AAGAB: variants seen among roughly 807,000 people sequenced by gnomAD.
AAGAB encodes the protein alpha- and gamma-adaptin-binding protein p34.
Under a neutral mutation model 44.1 loss-of-function variants are expected in AAGAB, and 38 were observed. The ratio of observed to expected loss-of-function variants is 0.86; its 90% CI spans 0.67 to 1.13. The LOEUF (loss-of-function observed/expected upper bound fraction) is 1.13, where lower values mean the gene tolerates loss of function less well. AAGAB is among the 50% of genes most tolerant of loss of function. The probability of loss-of-function intolerance (pLI) is 0.00; values close to 1 mark genes in which losing one functional copy is unlikely to be tolerated. For missense variants in AAGAB, 450 were observed against 373.8 expected, an observed-to-expected ratio of 1.20 and a Z score of -1.68; for synonymous variants, 131 against 131.8, an observed-to-expected ratio of 0.99 and a Z score of 0.04.
At chr15:67,254,192 TAAC>T (rs1363423313) in intron 1 of AAGAB, 5 of 223,186 alleles carry the variant, frequency 2.2e-5, no homozygotes, top group Non-Finnish European at 4.4e-5. Flanking sequence ...GCAGCAAGGA[TAAC>T]AACATCACGA....
At chr15:67,247,706 C>T (rs1282237048) in intron 1 of AAGAB, among the ~76,000 whole-genome samples, 2 of 152,118 alleles carry the variant, frequency 1.3e-5, no homozygotes, top group African/African-American at 2.4e-5. Flanking sequence ...AAACTTCGCA[C>T]GAAAAGTCAA....
At chr15:67,204,225 C>A in intron 7 of AAGAB, 77 bp from the exon 8 acceptor site, 2 of 1,018,238 alleles carry the variant, frequency 2.0e-6, no homozygotes, top group Admixed American at 2.1e-5. Flanking sequence ...AAGGCAAATG[C>A]TAACCTTGAT....
chr15:67,252,456 A>T (rs1009699400), intron 1 of AAGAB, among the ~76,000 whole-genome samples: 9 of 152,198 alleles, frequency 5.9e-5, no homozygotes, highest in African/African-American at 2.2e-4. Flanking sequence ...AAAAATTTTT[A>T]AAAACAGAAA....
chr15:67,222,359 T>A (rs1964103874), intron 5 of AAGAB, among the ~76,000 whole-genome samples: 1 of 151,158 alleles, frequency 6.6e-6, no homozygotes, highest in African/African-American at 2.4e-5. Flanking sequence ...GCCTGGCAAA[T>A]CATACTTCAC....
rs1555417910 is a variant in AAGAB, at chr15:67,222,282, A to AC, written c.535+9531dup. Among the ~76,000 whole-genome samples the AC allele has an allele frequency of 1.4e-4, 19 of 139,928 alleles. No individual in the cohort carries two copies. The East Asian group carries it at 2.5e-3, about 19-fold the overall frequency. 91.8% of individuals were successfully genotyped at this position (139,928 alleles called of 152,430 possible). On this transcript the variant is annotated intron_variant, in intron 5 of 9. Transcript: ENST00000261880. Reference sequence around the variant, plus strand: ...CACACACACACACACACACACACACACCCTCCACCCATGCTGCCTGACTTT... The same window carrying AC: ...CACACACACACACACACACACACACACCCCTCCACCCATGCTGCCTGACTTT...
intron 5 of AAGAB, 129 bp downstream of exon 5, chr15:67,231,685 A>T (rs1244697613): frequency 1.4e-6 from 1 of 722,822 alleles, no homozygotes; most frequent in African/African-American, 1.8e-5. Context: ...CGCTTCCTTC[A>T]ATCAGCGAAC....
At chr15:67,224,490 ACT>A (rs921284410) in intron 5 of AAGAB, among the ~76,000 whole-genome samples, 1 of 152,148 alleles carries the variant, frequency 6.6e-6, no homozygotes, top group African/African-American at 2.4e-5. Flanking sequence ...AGGAACGTCC[ACT>A]ATTTTCACCT....
At chr15:67,205,890 C>T (rs1043909445) in intron 7 of AAGAB, among the ~76,000 whole-genome samples, 18 of 118,204 alleles carry the variant, frequency 1.5e-4, no homozygotes, top group African/African-American at 5.0e-4. Flanking sequence ...TTAATTTACT[C>T]TTAAAAAAAA....
At chr15:67,242,429 C>CAAAAAAAAAAAA (rs59817309) in intron 1 of AAGAB, among the ~76,000 whole-genome samples, 1 of 58,752 alleles carries the variant, frequency 1.7e-5, no homozygotes, top group African/African-American at 5.5e-5. Flanking sequence ...GACTCCGTCT[C>CAAAAAAAAAAAA]AAAAAAAAAA....
chr15:67,202,748 A>G lies in AAGAB; in HGVS notation c.*73T>C. ...ATGATAAGGGCAATTTTGGCAAAAT[A>G]TGACTGGGCTGAGTAGAGAGGTATC... On this transcript the variant is annotated 3_prime_UTR_variant, in exon 10 of 10. Coordinates refer to ENST00000261880, the MANE Select transcript of AAGAB (RefSeq NM_024666.5). The G allele has an allele frequency of 1.3e-6, 2 of 1,516,448 alleles. No individual in the cohort carries two copies. The highest frequency in any genetic ancestry group is 9.1e-7 in the Non-Finnish European group (1 of 1,092,980). 93.9% of individuals were successfully genotyped at this position (1,516,448 alleles called of 1,614,324 possible). A position where few individuals can be genotyped will look rare whatever the true frequency, so the allele number is the denominator to read the frequency against.
chr15:67,217,956 G>C (rs185246534), intron 5 of AAGAB, among the ~76,000 whole-genome samples: 1 of 152,172 alleles, frequency 6.6e-6, no homozygotes, highest in Non-Finnish European at 1.5e-5. Flanking sequence ...GTTAATAAAT[G>C]ATCAATTCTT....
intron 1 of AAGAB, among the ~76,000 whole-genome samples, chr15:67,238,083 G>A (rs1964511793): frequency 2.0e-5 from 3 of 152,106 alleles, no homozygotes; most frequent in African/African-American, 7.2e-5. Flanking sequence ...CGAATCTTCT[G>A]AAGAATAAAA....
intron 5 of AAGAB, among the ~76,000 whole-genome samples, chr15:67,231,483 G>A (rs1249885162): frequency 6.6e-6 from 1 of 152,092 alleles, no homozygotes; most frequent in African/African-American, 2.4e-5. Context: ...TAGTTCCCTG[G>A]CATTTGAAAA....
intron 4 of AAGAB, among the ~76,000 whole-genome samples, chr15:67,234,144 T>G (rs957516793): frequency 1.3e-5 from 2 of 151,156 alleles, no homozygotes; most frequent in Admixed American, 6.6e-5. Context: ...TCCCAGCTAC[T>G]TGGGAGGCTG....
intron 5 of AAGAB, among the ~76,000 whole-genome samples, chr15:67,225,908 T>C (rs1486373418): frequency 6.6e-6 from 1 of 152,218 alleles, no homozygotes; most frequent in East Asian, 1.9e-4. Flanking sequence ...TGCTGGGTCA[T>C]ATGGTAATTC....
At chr15:67,225,824 C>T (rs149185410) in intron 5 of AAGAB, among the ~76,000 whole-genome samples, 1 of 152,138 alleles carries the variant, frequency 6.6e-6, no homozygotes, top group Non-Finnish European at 1.5e-5. Context: ...AATAATACTG[C>T]TATGAACACT....
intron 1 of AAGAB, among the ~76,000 whole-genome samples, chr15:67,252,068 G>A (rs1486272258): frequency 6.6e-6 from 1 of 152,124 alleles, no homozygotes; most frequent in Non-Finnish European, 1.5e-5. Context: ...TTATCTAAGA[G>A]CATTTTATAT....
In AAGAB at chr15:67,228,289, T is replaced by C. The variant is rs142700212; in HGVS notation, c.535+3525A>G. On this transcript the variant is annotated intron_variant, in intron 5 of 9. Transcript: ENST00000261880. ...CCATTGAATATAATTTTATTCTAAA[T>C]TGATCCAGTTTATGTTCCAAATCTT... Among the ~76,000 whole-genome samples the C allele has an allele frequency of 7.2e-5, 11 of 152,354 alleles. 2 individuals are homozygous for C. Among genetic ancestry groups the C allele is most frequent in the African/African-American group, 2.6e-4 (11 of 41,586 alleles).
intron 1 of AAGAB, among the ~76,000 whole-genome samples, chr15:67,245,305 A>G (rs1358556739): frequency 6.6e-6 from 1 of 152,264 alleles, no homozygotes; most frequent in Non-Finnish European, 1.5e-5. Context: ...GTATATCCAT[A>G]CAATGGAATA....
Sources: gnomAD v4.1 joint callset for allele counts (sites outside exome capture counted in the v4.1 genomes callset) on GRCh38, gnomAD v4.1.1 for gene constraint, MANE v1.5 for transcripts, NCBI Gene and HGNC (gene_info 2026-07-23, HGNC 2026-07-21) for gene names.